Variants in TSKU observed in about 807,000 individuals in gnomAD.
TSKU encodes tsukushi.
A neutral mutation model predicts 11.2 loss-of-function variants in TSKU; 4 were observed. That is an observed-to-expected ratio of 0.36 (90% CI 0.18 to 0.82). The LOEUF is 0.82. TSKU is among the 40% of genes least tolerant of loss of function. The pLI, the probability that TSKU is intolerant of heterozygous loss-of-function variation, is 0.50. For missense variants in TSKU, 407 were observed against 482.5 expected, an observed-to-expected ratio of 0.84 and a Z score of 1.47; for synonymous variants, 220 against 232.2, an observed-to-expected ratio of 0.95 and a Z score of 0.48.
In TSKU at chr11:76,796,339, G is replaced by T; in HGVS notation, c.723G>T (p.Arg241Ser). ...LTHLSLASLQ[R>S]LPELAPSGFR... is the part of the protein sequence containing the mutation. The stretch of plus-strand genomic sequence containing the variant: ...ACCTGTCTCTGGCCAGCCTGCAGAG[G>T]CTCCCTGAGCTGGCGCCCAGTGGCT... The change falls in exon 2 of 2, where the codon AGG becomes AGT. Residue 241 changes from arginine to serine, a missense_variant. Arg to Ser is a moderately radical substitution (Grantham distance 110). Coordinates refer to ENST00000333090, the MANE Select transcript of TSKU (RefSeq NM_015516.4). The surrounding 1 kb of genome is among the most constrained non-coding windows in gnomAD (Gnocchi z 4.1). 1 of 1,613,342 alleles carries T rather than the reference G, an allele frequency of 6.2e-7. No homozygotes were observed. The highest frequency in any genetic ancestry group is 8.5e-7 in the Non-Finnish European group (1 of 1,180,004).
upstream of TSKU, chr11:76,782,919 A>C (rs528400724): frequency 6.6e-6 from 1 of 152,202 alleles, no homozygotes; most frequent in South Asian, 2.1e-4. Flanking sequence ...CCACCCACCA[A>C]ATCTCTTTCT....
intron 1 of TSKU, among the ~76,000 whole-genome samples, chr11:76,790,809 C>T (rs1944361904): frequency 6.6e-6 from 1 of 152,086 alleles, no homozygotes. Context: ...TAAATTGGTA[C>T]CAGTAGAGTG....
Position 76,796,193 on chromosome 11 carries a change from T to G in TSKU, c.577T>G (p.Trp193Gly). ...APTIQSLNLA[W>G]NRLHAVPNLR... ...CACCATTCAGAGCCTGAACCTGGCC[T>G]GGAACCGGCTCCATGCCGTGCCCAA... Residue 193 changes from tryptophan to glycine, a missense_variant, in exon 2 of 2, where the codon TGG (tryptophan) becomes GGG (glycine). Coordinates refer to ENST00000333090, the MANE Select transcript of TSKU (RefSeq NM_015516.4). The surrounding 1 kb of genome is among the most constrained non-coding windows in gnomAD (Gnocchi z 4.1). The G allele has an allele frequency of 2.5e-6, 4 of 1,613,674 alleles. No individual in the cohort carries two copies. The highest frequency in any genetic ancestry group is 3.4e-6 in the Non-Finnish European group (4 of 1,180,006).
chr11:76,788,351 G>C (rs1313459543), intron 1 of TSKU, among the ~76,000 whole-genome samples: 1 of 152,084 alleles, frequency 6.6e-6, no homozygotes, highest in Non-Finnish European at 1.5e-5. Context: ...TGCAGCACCA[G>C]GGTCAGGCAG....
chr11:76,791,323 C>T (rs185597255), intron 1 of TSKU, among the ~76,000 whole-genome samples: 6 of 152,146 alleles, frequency 3.9e-5, no homozygotes, highest in East Asian at 1.9e-4. Context: ...ACATTTAAGC[C>T]GGCTGCAGAA....
At chr11:76,791,150 G>T (rs1565127576) in intron 1 of TSKU, among the ~76,000 whole-genome samples, 2 of 152,172 alleles carry the variant, frequency 1.3e-5, no homozygotes, top group Non-Finnish European at 2.9e-5. Context: ...AATGATTTAG[G>T]GTATCTGGCA....
intron 1 of TSKU, among the ~76,000 whole-genome samples, chr11:76,795,004 G>A (rs895898067): frequency 6.6e-6 from 1 of 152,186 alleles, no homozygotes; most frequent in African/African-American, 2.4e-5. Flanking sequence ...GTTCCCTTTT[G>A]GTAAAACAGA....
At position 76,796,957 on chromosome 11, in the gene TSKU, A is replaced by C; in HGVS notation, c.*279A>C. 5 of 284,456 alleles carry C rather than the reference A, an allele frequency of 1.8e-5. No homozygotes were observed. Among genetic ancestry groups the C allele is most frequent in the East Asian group, 1.3e-4 (2 of 15,634 alleles). 17.6% of individuals were successfully genotyped at this position (284,456 alleles called of 1,614,324 possible). On this transcript the variant is annotated 3_prime_UTR_variant, in exon 2 of 2. Transcript: ENST00000333090. The surrounding 1 kb of genome is among the most constrained non-coding windows in gnomAD (Gnocchi z 4.1). ...CCCCTCCTGCTTCCCTTCCCCACTTATCCCCCAAGTGCCTTCCCTCATGCC... is the reference window on the plus strand; with the variant it reads ...CCCCTCCTGCTTCCCTTCCCCACTTCTCCCCCAAGTGCCTTCCCTCATGCC...
At chr11:76,795,568 C>G (rs1944427578) in intron 1 of TSKU, 41 bp from the exon 2 acceptor site, 1 of 1,580,798 alleles carries the variant, frequency 6.3e-7, no homozygotes, top group South Asian at 1.1e-5. Flanking sequence ...GGCTTTAGAC[C>G]ATCTGGTGCA....
At chr11:76,794,525 C>T (rs925014171) in intron 1 of TSKU, among the ~76,000 whole-genome samples, 1 of 152,216 alleles carries the variant, frequency 6.6e-6, no homozygotes, top group African/African-American at 2.4e-5. Flanking sequence ...GGCCTGGGTC[C>T]CATTCCTGCC....
chr11:76,796,540 C>G lies in TSKU; in HGVS notation c.924C>G (p.Val308=). The G allele has an allele frequency of 6.2e-7, 1 of 1,604,080 alleles. No homozygotes were observed. Among genetic ancestry groups the G allele is most frequent in the Non-Finnish European group, 8.5e-7 (1 of 1,174,474 alleles). Reference sequence around the variant, plus strand: ...TCCACCTCCCGGCACTGCAGAGCGTCAGCGTGGGCCAGGATGTGCGGTGCC... The same window carrying G: ...TCCACCTCCCGGCACTGCAGAGCGTGAGCGTGGGCCAGGATGTGCGGTGCC... The part of the protein sequence containing the change: ...LLLHLPALQS[V]SVGQDVRCRR... Residue 308 remains valine, a synonymous_variant, in exon 2 of 2, where the codon GTC becomes GTG. Coordinates refer to ENST00000333090, the MANE Select transcript of TSKU (RefSeq NM_015516.4). This position sits in a 1 kb window ranked among gnomAD's most constrained non-coding sequence, Gnocchi z 4.1.
chr11:76,784,602 G>C (rs1017846092), intron 1 of TSKU, among the ~76,000 whole-genome samples: 14 of 152,228 alleles, frequency 9.2e-5, no homozygotes, highest in Non-Finnish European at 1.8e-4. Context: ...AATAACCCGC[G>C]CCTCTGGAGC....
At chr11:76,787,383 C>T (rs1028578808) in intron 1 of TSKU, among the ~76,000 whole-genome samples, 1 of 152,216 alleles carries the variant, frequency 6.6e-6, no homozygotes, top group Admixed American at 6.5e-5. Flanking sequence ...GCTAGGCTTA[C>T]AGGTCCCTGC....
Position 76,796,006 on chromosome 11 carries a change from C to T in TSKU, c.390C>T (p.Ser130=). ...CCCTGCCAGCCGAGAGCTTCACCAG[C>T]TCACCCCTGAGCGACGTGAACCTTA... ...LTALPAESFT[S]SPLSDVNLSH... is the part of the protein sequence containing the mutation. Residue 130 remains serine (S), a synonymous_variant, in exon 2 of 2, where the codon AGC becomes AGT. Coordinates refer to ENST00000333090, the MANE Select transcript of TSKU (RefSeq NM_015516.4). This position sits in a 1 kb window ranked among gnomAD's most constrained non-coding sequence, Gnocchi z 4.1. 1 of 1,614,044 alleles carries T rather than the reference C, an allele frequency of 6.2e-7. No homozygotes were observed. The highest frequency in any genetic ancestry group is 1.1e-5 in the South Asian group (1 of 91,078).
intron 1 of TSKU, among the ~76,000 whole-genome samples, chr11:76,790,307 C>G (rs1272862846): frequency 6.6e-6 from 1 of 152,058 alleles, no homozygotes; most frequent in Non-Finnish European, 1.5e-5. Flanking sequence ...GCACAGTTGC[C>G]CTGTCACCTC....
chr11:76,789,662 T>C (rs1270828337), intron 1 of TSKU, among the ~76,000 whole-genome samples: 1 of 152,234 alleles, frequency 6.6e-6, no homozygotes, highest in Non-Finnish European at 1.5e-5. Context: ...TGTTTTATAA[T>C]CTGGTCAATC....
chr11:76,796,388 G>C lies in TSKU; in HGVS notation c.772G>C (p.Val258Leu). Residue 258 changes from valine (V) to leucine (L), a missense_variant, in exon 2 of 2, where the codon GTC (valine) becomes CTC (leucine). Transcript: ENST00000333090. This position sits in a 1 kb window ranked among gnomAD's most constrained non-coding sequence, Gnocchi z 4.1. ...SGFRELPGLQ[V>L]LDLSGNPKLN... ...CTTCCGTGAGCTACCGGGCCTGCAG[G>C]TCCTGGACCTGTCGGGCAACCCCAA... The C allele has an allele frequency of 6.2e-7, 1 of 1,613,462 alleles. No homozygotes were observed. Among genetic ancestry groups the C allele is most frequent in the South Asian group, 1.1e-5 (1 of 91,086 alleles).
chr11:76,783,164 C>G (rs1944256721), upstream of TSKU: 1 of 152,018 alleles, frequency 6.6e-6, no homozygotes, highest in South Asian at 2.0e-4. Flanking sequence ...GAGTGGAACC[C>G]GGGCTCGGCT....
chr11:76,789,229 G>A (rs1375196106), intron 1 of TSKU, among the ~76,000 whole-genome samples: 1 of 152,224 alleles, frequency 6.6e-6, no homozygotes, highest in Non-Finnish European at 1.5e-5. Context: ...TCAAGGGAAG[G>A]CTGTTCCCAC....
Sources: allele counts gnomAD v4.1 joint callset (sites outside exome capture counted in the v4.1 genomes callset), GRCh38; gene constraint gnomAD v4.1.1; non-coding constraint Gnocchi (gnomAD v3.1); transcripts MANE v1.5; gene names NCBI Gene and HGNC (gene_info 2026-07-23, HGNC 2026-07-21).